Variants in TRMT10B observed in about 807,000 individuals in gnomAD.
TRMT10B encodes tRNA methyltransferase 10B.
A neutral mutation model predicts 43.8 loss-of-function variants in TRMT10B; 33 were observed. The observed-to-expected ratio is 0.75, with a 90% CI of 0.57 to 1.01. The LOEUF is 1.01. TRMT10B is among the 50% of genes least tolerant of loss of function. TRMT10B has a pLI of 0.00. For missense variants in TRMT10B, 362 were observed against 369.8 expected (o/e 0.98, Z 0.17); for synonymous variants, 137 against 130.6 (o/e 1.05, Z -0.34).
intron 7 of TRMT10B, among the ~76,000 whole-genome samples, chr9:37,774,670 A>G (rs1827947179): frequency 6.6e-6 from 1 of 152,244 alleles, no homozygotes; most frequent in African/African-American, 2.4e-5. Flanking sequence ...CATATATGCA[A>G]AGGAGTTTTA....
chr9:37,776,185 A>G, intron 7 of TRMT10B, 97 bp from the exon 8 acceptor site: 1 of 1,069,418 alleles, frequency 9.4e-7, no homozygotes, highest in South Asian at 2.7e-5. Context: ...AGTTTCTTCC[A>G]TTCCACAATA....
At position 37,769,978 on chromosome 9, in the gene TRMT10B, C is replaced by T; in HGVS notation, c.611C>T (p.Pro204Leu). 1 of 1,614,088 alleles carries T rather than the reference C, an allele frequency of 6.2e-7. No individual in the cohort carries two copies. Among genetic ancestry groups the T allele is most frequent in the East Asian group, 2.2e-5 (1 of 44,884 alleles). Residue 204 changes from proline to leucine, a missense_variant, in exon 6 of 9, where the codon CCC becomes CTC. By Grantham distance (98) the Pro-to-Leu change is moderately conservative. Coordinates refer to ENST00000297994, the MANE Select transcript of TRMT10B (RefSeq NM_144964.4). ...GAAGAAGACTGCTTTAGTTTATTTC[C>T]CTTGGAAACCCTTGTGTACCTGACT... ...ITEEDCFSLF[P>L]LETLVYLTPD...
intron 4 of TRMT10B, among the ~76,000 whole-genome samples, chr9:37,766,561 G>A (rs1827003932): frequency 6.6e-6 from 1 of 152,178 alleles, no homozygotes; most frequent in South Asian, 2.1e-4. Flanking sequence ...TGGCAATGCA[G>A]GCTCTTCTTT....
At chr9:37,772,879 T>A (rs1827734646) in intron 7 of TRMT10B, among the ~76,000 whole-genome samples, 1 of 152,208 alleles carries the variant, frequency 6.6e-6, no homozygotes, top group Non-Finnish European at 1.5e-5. Flanking sequence ...ATGCAGTATG[T>A]GAGCCTTGTT....
At position 37,778,930 on chromosome 9, in the gene TRMT10B, C is replaced by T. The variant is rs1828463230; in HGVS notation, c.*1223C>T. On this transcript the variant is annotated 3_prime_UTR_variant, in exon 9 of 9. Transcript: ENST00000297994. ...TCCCTGAGCCTGTACCAACTAGATTCTTCATATGTATTTGTAACAGATTAA... is the reference window on the plus strand; with the variant it reads ...TCCCTGAGCCTGTACCAACTAGATTTTTCATATGTATTTGTAACAGATTAA... 1 of 152,108 alleles carries T rather than the reference C, an allele frequency of 6.6e-6. No individual in the cohort carries two copies. Among genetic ancestry groups the T allele is most frequent in the South Asian group, 2.1e-4 (1 of 4,830 alleles). The allele number at this position is 152,108 out of a possible 1,614,324, so 9.4% of individuals were successfully genotyped here.
rs1420265504 is a variant in TRMT10B at position 37,762,571 on chromosome 9, TATAAG to T, written c.187-4_187del. The T allele has an allele frequency of 3.2e-6, 5 of 1,578,338 alleles. No homozygotes were observed. The Admixed American group carries it at 5.5e-5, about 17-fold the overall frequency. On this transcript the variant is annotated splice_acceptor_variant and splice_polypyrimidine_tract_variant and intron_variant, in intron 2 of 8. Coordinates refer to ENST00000297994, the MANE Select transcript of TRMT10B (RefSeq NM_144964.4). LOFTEE classifies it high-confidence loss of function. ...TCAAACAATTTTGTTTTCTGGATAA[TATAAG>T]AAAAATGTCCAGAGAAAACAGAGAC...
rs1376563452 is a variant in TRMT10B, at chr9:37,767,512, C to CAAAAAAAAAA, written c.421-564_421-563insAAAAAAAAAA. 29 of 60,840 alleles carry CAAAAAAAAAA rather than the reference C, an allele frequency of 4.8e-4. 3 individuals carry two copies. The highest frequency in any genetic ancestry group is 7.9e-4 in the Admixed American group (4 of 5,062). The allele number at this position is 60,840 out of a possible 1,614,324, so 3.8% of individuals were successfully genotyped here. A position where few individuals can be genotyped will look rare whatever the true frequency, so the allele number is the denominator to read the frequency against. ...TGGGTAACACAGCCAGACCCTGTCT[C>CAAAAAAAAAA]CAAAAAAAAAAAAAAAAAAAAAATC... On this transcript the variant is annotated intron_variant, in intron 4 of 8. Coordinates refer to ENST00000297994, the MANE Select transcript of TRMT10B (RefSeq NM_144964.4).
chr9:37,774,123 C>T (rs892078507), intron 7 of TRMT10B, among the ~76,000 whole-genome samples: 13 of 152,108 alleles, frequency 8.5e-5, no homozygotes, highest in Non-Finnish European at 2.9e-5. Flanking sequence ...GATCCCCCTA[C>T]CTCAGCTTCC....
chr9:37,756,739 TATAC>T (rs758024784), intron 1 of TRMT10B, among the ~76,000 whole-genome samples: 6 of 150,730 alleles, frequency 4.0e-5, no homozygotes, highest in South Asian at 2.1e-4. Flanking sequence ...TATATATATA[TATAC>T]ACACACACAC....
At chr9:37,760,062 A>G (rs946901578) in intron 1 of TRMT10B, among the ~76,000 whole-genome samples, 1 of 152,208 alleles carries the variant, frequency 6.6e-6, no homozygotes, top group Non-Finnish European at 1.5e-5. Flanking sequence ...GCGGTGGTTC[A>G]CACATGTAAT....
intron 7 of TRMT10B, among the ~76,000 whole-genome samples, chr9:37,772,006 G>A (rs927308177): frequency 2.6e-5 from 4 of 151,886 alleles, no homozygotes; most frequent in Middle Eastern, 3.2e-3. Flanking sequence ...ACCACACCTA[G>A]CTAGTTTTTA....
chr9:37,760,231 A>T lies in TRMT10B; in HGVS notation c.-29-1672A>T, dbSNP rs183630548. Among the ~76,000 whole-genome samples, 34 of 152,322 alleles carry T rather than the reference A, an allele frequency of 2.2e-4. No homozygotes were observed. The East Asian group carries it at 6.2e-3, about 28-fold the overall frequency. On this transcript the variant is annotated intron_variant, in intron 1 of 8. Coordinates refer to ENST00000297994, the MANE Select transcript of TRMT10B (RefSeq NM_144964.4). ...CCACTACTGGGGAGGCTGAAGCAGG[A>T]GAATTGTTTGAACCTGGGAGGCAGA... is the stretch of plus-strand genomic sequence containing the variant.
chr9:37,770,561 G>T, intron 6 of TRMT10B, 111 bp from the exon 7 acceptor site: 2 of 1,029,066 alleles, frequency 1.9e-6, no homozygotes, highest in Non-Finnish European at 2.8e-6. Flanking sequence ...GTTTCTTTTT[G>T]TTTTCTACTG....
chr9:37,752,945 C>G (rs968985409), upstream of TRMT10B, among the ~76,000 whole-genome samples: 3 of 152,126 alleles, frequency 2.0e-5, no homozygotes, highest in African/African-American at 4.8e-5. Flanking sequence ...GTGCTTTGTT[C>G]TTTGTAATAA....
intron 4 of TRMT10B, chr9:37,766,966 G>A (rs1488965207): frequency 6.6e-6 from 1 of 152,202 alleles, no homozygotes; most frequent in Non-Finnish European, 1.5e-5. Flanking sequence ...TTATCTACGG[G>A]AGCAGAGTTG....
chr9:37,769,814 T>G (rs10973531), intron 5 of TRMT10B, 127 bp from the exon 6 acceptor site: 288,195 of 758,470 alleles, frequency 0.38, 55,959 homozygotes, highest in Middle Eastern at 0.42. Context: ...TGTTGCCCAG[T>G]CTGGTCTCGA....
At chr9:37,770,581 T>C (rs1255323039) in intron 6 of TRMT10B, 91 bp from the exon 7 acceptor site, 11 of 1,216,300 alleles carry the variant, frequency 9.0e-6, no homozygotes, top group Non-Finnish European at 1.3e-5. Flanking sequence ...GAATTTCTAC[T>C]TTTATTGTTA....
chr9:37,775,507 ACTC>A (rs1291765092), intron 7 of TRMT10B, among the ~76,000 whole-genome samples: 3 of 151,610 alleles, frequency 2.0e-5, no homozygotes, highest in Non-Finnish European at 2.9e-5. Flanking sequence ...ACTTCTTGTG[ACTC>A]CTTTTTGCAG....
At chr9:37,760,937 T>C (rs192734055) in intron 1 of TRMT10B, among the ~76,000 whole-genome samples, 2 of 152,244 alleles carry the variant, frequency 1.3e-5, no homozygotes, top group Non-Finnish European at 2.9e-5. Context: ...CACTTTGAAA[T>C]TGACATCATT....
Sources: allele counts gnomAD v4.1 joint callset (sites outside exome capture counted in the v4.1 genomes callset), GRCh38; gene constraint gnomAD v4.1.1; transcripts MANE v1.5; gene names NCBI Gene and HGNC (gene_info 2026-07-23, HGNC 2026-07-21).